ADGRF4: variants seen among roughly 807,000 people sequenced by gnomAD.
ADGRF4 encodes G-protein coupled receptor PGR18.
A neutral mutation model predicts 58.5 loss-of-function variants in ADGRF4; 63 were observed. The observed-to-expected ratio is 1.08, with a 90% CI of 0.88 to 1.33. The LOEUF (loss-of-function observed/expected upper bound fraction) is 1.33. ADGRF4 is among the 40% of genes most tolerant of loss of function. The pLI is 0.00. For synonymous variants in ADGRF4, 313 were observed against 295.4 expected (o/e 1.06, Z -0.61); for missense variants, 931 against 843.9 (o/e 1.10, Z -1.28).
At position 47,717,278 on chromosome 6, in the gene ADGRF4, CAT is replaced by C; in HGVS notation, c.1975-13_1975-12del. ...ACATCTGTGAGGTACTTCTCATTGT[CAT>C]TGCTTCTTTAGATAAGAGATGCTTT... On this transcript the variant is annotated splice_polypyrimidine_tract_variant and intron_variant, in intron 7 of 9. Transcript: ENST00000283303. The C allele has an allele frequency of 6.3e-7, 1 of 1,592,812 alleles. No individual in the cohort carries two copies. Among genetic ancestry groups the C allele is most frequent in the Non-Finnish European group, 8.6e-7 (1 of 1,160,512 alleles).
chr6:47,700,950 A>C (rs1051137067), intron 1 of ADGRF4, among the ~76,000 whole-genome samples: 1 of 150,822 alleles, frequency 6.6e-6, no homozygotes, highest in Non-Finnish European at 1.5e-5. Flanking sequence ...TTTTTTGCCT[A>C]TTTCACTAGG....
rs775055724 is a variant in ADGRF4 at position 47,714,768 on chromosome 6, GGAT to G, written c.1529_1531del (p.Met510del). The G allele has an allele frequency of 1.5e-5, 25 of 1,613,822 alleles. No individual in the cohort carries two copies. In the Admixed American group the frequency reaches 3.3e-4, roughly 22 times the overall value. On this transcript the variant is annotated inframe_deletion, in exon 6 of 10. Transcript: ENST00000283303. ...TATGGAATATTGGTCATTTTCCGTA[GGAT>G]GATGAAGTCCCGAATGATGGTCATT... is the stretch of plus-strand genomic sequence containing the variant.
Position 47,712,611 on chromosome 6 carries a change from A to G in ADGRF4, c.552+3A>G. On this transcript the variant is annotated splice_donor_region_variant and intron_variant, in intron 5 of 9. Coordinates refer to ENST00000283303, the MANE Select transcript of ADGRF4 (RefSeq NM_153838.5). Reference sequence around the variant, plus strand: ...ATGTTACTCGAGAGAAAATGAAGGTATTCTTTGTTAATCATTTAAAAATGA... The same window carrying G: ...ATGTTACTCGAGAGAAAATGAAGGTGTTCTTTGTTAATCATTTAAAAATGA... 6.4e-7 allele frequency: 1 copy of G among 1,565,328 alleles called. No homozygotes were observed. Among genetic ancestry groups the G allele is most frequent in the South Asian group, 1.1e-5 (1 of 89,348 alleles).
At chr6:47,716,734 G>C in intron 6 of ADGRF4, 72 bp from the exon 7 acceptor site, 1 of 1,114,342 alleles carries the variant, frequency 9.0e-7, no homozygotes, top group East Asian at 2.4e-5. Context: ...ATCTAGAAGA[G>C]CGGTATGAAA....
At chr6:47,710,600 T>C in intron 3 of ADGRF4, 135 bp from the exon 4 acceptor site, 1 of 742,176 alleles carries the variant, frequency 1.3e-6, no homozygotes, top group Non-Finnish European at 2.2e-6. Flanking sequence ...CTCATTGCCG[T>C]GGACCCAGTT....
chr6:47,709,849 G>GTTT lies in ADGRF4; in HGVS notation c.149-878_149-876dup, dbSNP rs71305748. Among the ~76,000 whole-genome samples the GTTT allele has an allele frequency of 1.6e-3, 234 of 147,588 alleles. 2 individuals are homozygous for GTTT. The highest frequency in any genetic ancestry group is 0.014 in the South Asian group (64 of 4,666). On this transcript the variant is annotated intron_variant, in intron 3 of 9. Coordinates refer to ENST00000283303, the MANE Select transcript of ADGRF4 (RefSeq NM_153838.5). The stretch of plus-strand genomic sequence containing the variant: ...CTTTCCTAGTCTACGTAGCATCACA[G>GTTT]TTTTTTTTTTGTATTTTTGTGCTTT...
intron 6 of ADGRF4, among the ~76,000 whole-genome samples, chr6:47,715,761 C>T (rs959765974): frequency 2.6e-5 from 4 of 152,128 alleles, no homozygotes; most frequent in Non-Finnish European, 5.9e-5. Flanking sequence ...TAGAATGTTC[C>T]CCACTACTCT....
rs2113907725 is a variant in ADGRF4, at chr6:47,716,828, G to A, written c.1955G>A (p.Gly652Glu). 1 of 1,601,284 alleles carries A rather than the reference G, an allele frequency of 6.2e-7. No individual in the cohort carries two copies. The highest frequency in any genetic ancestry group is 8.5e-7 in the Non-Finnish European group (1 of 1,174,024). The change falls in exon 7 of 10, where the codon GGA becomes GAA. Residue 652 changes from glycine (G) to glutamate (E), a missense_variant. Coordinates refer to ENST00000283303, the MANE Select transcript of ADGRF4 (RefSeq NM_153838.5). ...AFQGFFILLF[G>E]TIMDHKIRDA... ...CAGGGTTTTTTCATCCTGCTGTTTGGAACCATTATGGATCACAAGGTAATT... is the reference window on the plus strand; with the variant it reads ...CAGGGTTTTTTCATCCTGCTGTTTGAAACCATTATGGATCACAAGGTAATT...
chr6:47,699,720 T>C (rs766298035), intron 1 of ADGRF4, among the ~76,000 whole-genome samples: 3 of 152,176 alleles, frequency 2.0e-5, no homozygotes, highest in Admixed American at 6.5e-5. Flanking sequence ...ATTTCTTCCA[T>C]GGCAAGGGAG....
At chr6:47,704,036 A>G (rs1025472080) in intron 1 of ADGRF4, among the ~76,000 whole-genome samples, 1 of 152,054 alleles carries the variant, frequency 6.6e-6, no homozygotes, top group Non-Finnish European at 1.5e-5. Flanking sequence ...CTGAAGCCTC[A>G]GATAACAGGT....
intron 1 of ADGRF4, among the ~76,000 whole-genome samples, chr6:47,699,314 C>A (rs1301783969): frequency 1.3e-5 from 2 of 152,208 alleles, no homozygotes; most frequent in African/African-American, 4.8e-5. Context: ...GGTCTATATT[C>A]CTTATACTCT....
chr6:47,702,259 T>C (rs1414298147), intron 1 of ADGRF4, among the ~76,000 whole-genome samples: 1 of 147,248 alleles, frequency 6.8e-6, no homozygotes, highest in Admixed American at 6.8e-5. Flanking sequence ...TGTGTGTGTG[T>C]TGGGGGGAGT....
intron 1 of ADGRF4, among the ~76,000 whole-genome samples, chr6:47,702,447 A>C (rs1771612129): frequency 6.6e-6 from 1 of 152,222 alleles, no homozygotes. Context: ...CACTCCCCGA[A>C]TTCAAAGAAA....
chr6:47,718,425 A>G lies in ADGRF4; in HGVS notation c.2071A>G (p.Met691Val), dbSNP rs762056596. ...AGGCCCAACCAATGGATCTAAATTA[A>G]TGAATCGTCAAGGATGAAATGTGAG... is the stretch of plus-strand genomic sequence containing the variant. The part of the protein sequence containing the change: ...SLGPTNGSKL[M>V]NRQG Residue 691 changes from methionine (M) to valine (V), a missense_variant, in exon 9 of 10, where the codon ATG becomes GTG. By Grantham distance (21) the Met-to-Val change is conservative. Coordinates refer to ENST00000283303, the MANE Select transcript of ADGRF4 (RefSeq NM_153838.5). 8 of 1,580,584 alleles carry G rather than the reference A, an allele frequency of 5.1e-6. No individual in the cohort carries two copies. The South Asian group carries it at 8.9e-5, about 17-fold the overall frequency.
intron 6 of ADGRF4, among the ~76,000 whole-genome samples, chr6:47,716,454 A>G (rs1299428127): frequency 1.3e-5 from 2 of 152,202 alleles, no homozygotes; most frequent in African/African-American, 4.8e-5. Context: ...GTGATTTTGA[A>G]TTACAAGTTT....
Position 47,721,742 on chromosome 6 carries a change from C to A in ADGRF4, c.*537C>A, listed in dbSNP as rs951682258. On this transcript the variant is annotated 3_prime_UTR_variant, in exon 10 of 10. Coordinates refer to ENST00000283303, the MANE Select transcript of ADGRF4 (RefSeq NM_153838.5). The stretch of plus-strand genomic sequence containing the variant: ...GAGACAATTAAGTCATGGTACGTTT[C>A]CTAAAGATAGGGAACGGAAGAAAAG... 3 of 151,962 alleles carry A rather than the reference C, an allele frequency of 2.0e-5. No individual in the cohort carries two copies. The highest frequency in any genetic ancestry group is 4.4e-5 in the Non-Finnish European group (3 of 67,986). The allele number at this position is 151,962 out of a possible 1,614,324, so 9.4% of individuals were successfully genotyped here. A position where few individuals can be genotyped will look rare whatever the true frequency, so the allele number is the denominator to read the frequency against.
intron 5 of ADGRF4, 142 bp downstream of exon 5, chr6:47,712,750 T>C (rs1405548305): frequency 3.1e-6 from 2 of 639,376 alleles, no homozygotes; most frequent in Admixed American, 5.7e-5. Context: ...TTTGGGATAT[T>C]GATTCATTAT....
At chr6:47,708,645 C>T (rs1266856092) in intron 3 of ADGRF4, among the ~76,000 whole-genome samples, 10 of 152,208 alleles carry the variant, frequency 6.6e-5, no homozygotes, top group African/African-American at 2.4e-4. Flanking sequence ...GTATGCAACA[C>T]TCTGGTGCTG....
intron 1 of ADGRF4, among the ~76,000 whole-genome samples, chr6:47,705,891 G>A (rs753801936): frequency 6.6e-6 from 1 of 152,196 alleles, no homozygotes; most frequent in Admixed American, 6.5e-5. Context: ...GGTTTGACTT[G>A]TCTGTTACCC....
Sources: gnomAD v4.1 joint callset for allele counts (sites outside exome capture counted in the v4.1 genomes callset) on GRCh38, gnomAD v4.1.1 for gene constraint, MANE v1.5 for transcripts, NCBI Gene and HGNC (gene_info 2026-07-23, HGNC 2026-07-21) for gene names.